SERPINB9: variants seen among roughly 807,000 people sequenced by gnomAD.
SERPINB9 encodes the protein serpin B9.
Under a neutral mutation model 27.2 loss-of-function variants are expected in SERPINB9, and 20 were observed. The observed-to-expected ratio is 0.74, with a 90% confidence interval of 0.52 to 1.07. The LOEUF is 1.07. SERPINB9 is among the 50% of genes least tolerant of loss of function. SERPINB9 has a pLI of 0.00. For synonymous variants in SERPINB9, 189 were observed against 180.0 expected (o/e 1.05, Z -0.40); for missense variants, 476 against 460.1 (o/e 1.03, Z -0.32).
In SERPINB9 at chr6:2,900,434, G is replaced by C. The variant is rs538971733; in HGVS notation, c.168+10C>G. The stretch of plus-strand genomic sequence containing the variant: ...GCCAGTCCCTGCTCCTGGCGGACGG[G>C]CAAGCTTACCTGGGCCATCTGGGTT... On this transcript the variant is annotated intron_variant, in intron 2 of 6. Transcript: ENST00000380698. 1.2e-6 allele frequency: 2 copies of C among 1,613,394 alleles called. No individual in the cohort carries two copies. The highest frequency in any genetic ancestry group is 2.7e-5 in the African/African-American group (2 of 75,024).
At chr6:2,900,917 G>A (rs373418875) in intron 1 of SERPINB9, among the ~76,000 whole-genome samples, 10 of 45,714 alleles carry the variant, frequency 2.2e-4, no homozygotes, top group African/African-American at 1.5e-3. Context: ...ACACAGAGCT[G>A]GAAGCAGTGA....
intron 1 of SERPINB9, among the ~76,000 whole-genome samples, chr6:2,901,566 C>A (rs1456621466): frequency 1.3e-5 from 2 of 152,104 alleles, no homozygotes; most frequent in East Asian, 3.9e-4. Context: ...CACTGGAGAC[C>A]AAAGTGTGAA....
rs1767896261 is a variant in SERPINB9, at chr6:2,893,494, C to G, written c.484G>C (p.Val162Leu). The change falls in exon 5 of 7, where the codon GTC becomes CTC. Residue 162 changes from valine to leucine, a missense_variant. Val to Leu is a conservative substitution (Grantham distance 32). Transcript: ENST00000380698. ...TTTCCTTTGAAGTAGATGGCATTGA[C>G]AAGAACCAGCCTGGTTTCTGCATCA... ...SIDAETRLVL[V>L]NAIYFKGKWN... 6.2e-7 allele frequency: 1 copy of G among 1,612,996 alleles called. No individual in the cohort carries two copies. The highest frequency in any genetic ancestry group is 1.1e-5 in the South Asian group (1 of 90,936).
rs1482468265 is a variant in SERPINB9, at chr6:2,891,623, A to C, written c.723+210T>G. Among the ~76,000 whole-genome samples, 1 of 152,180 alleles carries C rather than the reference A, an allele frequency of 6.6e-6. No homozygotes were observed. The highest frequency in any genetic ancestry group is 1.5e-5 in the Non-Finnish European group (1 of 68,038). ...GCCCACTCCTTCTAGCGATGAAAAA[A>C]CAGAGGACTGAGATGTGTAGTTTGG... is the stretch of plus-strand genomic sequence containing the variant. On this transcript the variant is annotated intron_variant, in intron 6 of 6. Coordinates refer to ENST00000380698, the MANE Select transcript of SERPINB9 (RefSeq NM_004155.6). This position sits in a 1 kb window ranked among gnomAD's most constrained non-coding sequence, Gnocchi z 4.0.
chr6:2,890,106 TG>T lies in SERPINB9; in HGVS notation c.*56del. 7 of 1,546,708 alleles carry T rather than the reference TG, an allele frequency of 4.5e-6. No individual in the cohort carries two copies. Among genetic ancestry groups the T allele is most frequent in the Non-Finnish European group, 6.1e-6 (7 of 1,139,338 alleles). ...TAGGCCCATCCTCTTGGAGCTGTAG[TG>T]GGGATCTGGGGACACAGGAAGAGGG... On this transcript the variant is annotated 3_prime_UTR_variant, in exon 7 of 7. Coordinates refer to ENST00000380698, the MANE Select transcript of SERPINB9 (RefSeq NM_004155.6). This position sits in a 1 kb window ranked among gnomAD's most constrained non-coding sequence, Gnocchi z 6.2.
rs894383107 is a variant in SERPINB9, at chr6:2,889,584, A to G, written c.*579T>C. 2.0e-5 allele frequency: 3 copies of G among 151,226 alleles called. No homozygotes were observed. The highest frequency in any genetic ancestry group is 2.9e-5 in the Non-Finnish European group (2 of 67,874). 9.4% of individuals were successfully genotyped at this position (151,226 alleles called of 1,614,324 possible). ...GTGGCGGGCGCCTGTAGTCCCAGCT[A>G]CTCGGGAGGCTGAGGCAGGAGAATG... is the stretch of plus-strand genomic sequence containing the variant. On this transcript the variant is annotated 3_prime_UTR_variant, in exon 7 of 7. Transcript: ENST00000380698.
intron 2 of SERPINB9, 80 bp downstream of exon 2, chr6:2,900,364 C>A: frequency 6.5e-7 from 1 of 1,538,672 alleles, no homozygotes; most frequent in South Asian, 1.2e-5. Context: ...TTCTCAGTGG[C>A]TCTGGAGTGT....
At chr6:2,893,203 TTA>T (rs1554097053) in intron 5 of SERPINB9, among the ~76,000 whole-genome samples, 1 of 142,500 alleles carries the variant, frequency 7.0e-6, no homozygotes, top group African/African-American at 2.6e-5. Flanking sequence ...TATATATATA[TTA>T]TATATACGTA....
In SERPINB9 at chr6:2,895,485, T is replaced by C. The variant is rs1236015556; in HGVS notation, c.330A>G (p.Gln110=). ...FLSTFKESCL[Q]FYHAELKELS... ...GCTCCTTCAGCTCAGCATGGTAGAATTGAAGACAGGATTCCTTAAACGTCT... is the reference window on the plus strand; with the variant it reads ...GCTCCTTCAGCTCAGCATGGTAGAACTGAAGACAGGATTCCTTAAACGTCT... Residue 110 remains glutamine, a synonymous_variant, in exon 4 of 7, where the codon CAA becomes CAG. Coordinates refer to ENST00000380698, the MANE Select transcript of SERPINB9 (RefSeq NM_004155.6). 1 of 1,613,568 alleles carries C rather than the reference T, an allele frequency of 6.2e-7. No homozygotes were observed. Among genetic ancestry groups the C allele is most frequent in the Non-Finnish European group, 8.5e-7 (1 of 1,179,734 alleles).
intron 2 of SERPINB9, among the ~76,000 whole-genome samples, chr6:2,898,064 G>GAT (rs1768060540): frequency 1.3e-5 from 2 of 151,252 alleles, no homozygotes; most frequent in African/African-American, 2.4e-5. Context: ...TGACAGAGCA[G>GAT]AGACTCTATC....
Position 2,896,116 on chromosome 6 carries a change from G to A in SERPINB9, c.243C>T (p.Gly81=). ...QSLLTEVNKA[G]TQYLLRTANR... ...TGGCCGTTCTCAGCAGGTACTGTGT[G>A]CCAGCCTTGTTCACTTCAGTGAGAA... The change falls in exon 3 of 7, where the codon GGC becomes GGT. Residue 81 remains glycine (G), a synonymous_variant. Coordinates refer to ENST00000380698, the MANE Select transcript of SERPINB9 (RefSeq NM_004155.6). The A allele has an allele frequency of 6.2e-7, 1 of 1,614,142 alleles. No homozygotes were observed. Among genetic ancestry groups the A allele is most frequent in the Non-Finnish European group, 8.5e-7 (1 of 1,179,994 alleles).
Position 2,900,499 on chromosome 6 carries a change from G to A in SERPINB9, c.113C>T (p.Ala38Val). The A allele has an allele frequency of 1.9e-6, 3 of 1,614,192 alleles. No individual in the cohort carries two copies. The highest frequency in any genetic ancestry group is 2.5e-6 in the Non-Finnish European group (3 of 1,180,034). ...TGCCCCTAGGAGAACCATGGCCAGG[G>A]CAGAGGAGATGCTCACAGGAGAACA... ...VFCSPVSISSALAMVLLGAKG... is the reference protein window; with the variant it reads ...VFCSPVSISSVLAMVLLGAKG... The change falls in exon 2 of 7, where the codon GCC becomes GTC. Residue 38 changes from alanine (A) to valine (V), a missense_variant. Ala to Val is a moderately conservative substitution (Grantham distance 64). Coordinates refer to ENST00000380698, the MANE Select transcript of SERPINB9 (RefSeq NM_004155.6).
intron 2 of SERPINB9, among the ~76,000 whole-genome samples, chr6:2,899,469 G>GCC (rs1768119746): frequency 1.3e-5 from 2 of 152,122 alleles, no homozygotes. Context: ...CTTCGTTATT[G>GCC]ATCTTTTTGC....
In SERPINB9 at chr6:2,891,847, C is replaced by T. The variant is rs767711687; in HGVS notation, c.709G>A (p.Val237Met). ...SLLVLLPDDG[V>M]ELSTVEKSLT... is the part of the protein sequence containing the mutation. ...CCGGGTCTTACCGTGCTGAGCTCCA[C>T]GCCGTCGTCAGGCAGCAGCACCAGC... The change falls in exon 6 of 7, where the codon GTG (valine) becomes ATG (methionine). Residue 237 changes from valine (V) to methionine (M), a missense_variant. Val to Met is a conservative substitution (Grantham distance 21). Coordinates refer to ENST00000380698, the MANE Select transcript of SERPINB9 (RefSeq NM_004155.6). This position sits in a 1 kb window ranked among gnomAD's most constrained non-coding sequence, Gnocchi z 4.0. The T allele has an allele frequency of 5.0e-6, 8 of 1,606,242 alleles. No homozygotes were observed. In the Middle Eastern group the frequency reaches 5.0e-4, roughly 100 times the overall value.
At position 2,888,858 on chromosome 6, in the gene SERPINB9, T is replaced by A. The variant is rs1767680048; in HGVS notation, c.*1305A>T. The A allele has an allele frequency of 2.0e-5, 3 of 151,448 alleles. No individual in the cohort carries two copies. Among genetic ancestry groups the A allele is most frequent in the South Asian group, 4.2e-4 (2 of 4,814 alleles). The allele number at this position is 151,448 out of a possible 1,614,324, so 9.4% of individuals were successfully genotyped here. A position where few individuals can be genotyped will look rare whatever the true frequency, so the allele number is the denominator to read the frequency against. On this transcript the variant is annotated 3_prime_UTR_variant, in exon 7 of 7. Coordinates refer to ENST00000380698, the MANE Select transcript of SERPINB9 (RefSeq NM_004155.6). The stretch of plus-strand genomic sequence containing the variant: ...GTGAAGTTTACCTCAATAAAAAAAT[T>A]CTTAAAAAAAAAAACTCAGTGATAT...
chr6:2,900,885 T>TCTCACACACA (rs61100591), intron 1 of SERPINB9, among the ~76,000 whole-genome samples: 11 of 141,482 alleles, frequency 7.8e-5, no homozygotes, highest in South Asian at 2.3e-4. Context: ...GCTCGCTCTC[T>TCTCACACACA]CACACACACA....
chr6:2,896,007 C>G (rs1767984189), intron 3 of SERPINB9, 46 bp downstream of exon 3: 1 of 1,564,568 alleles, frequency 6.4e-7, no homozygotes, highest in African/African-American at 1.4e-5. Flanking sequence ...TCTATATCAC[C>G]AGGTATGTTG....
intron 2 of SERPINB9, among the ~76,000 whole-genome samples, chr6:2,898,076 C>CA (rs1370260859): frequency 1.3e-5 from 2 of 150,114 alleles, no homozygotes; most frequent in East Asian, 1.9e-4. Context: ...GACTCTATCT[C>CA]AAAAAACAAA....
In SERPINB9 at chr6:2,891,912, T is replaced by A. The variant is rs1354382567; in HGVS notation, c.644A>T (p.Gln215Leu). Residue 215 changes from glutamine (Q) to leucine (L), a missense_variant, in exon 6 of 7, where the codon CAG (glutamine) becomes CTG (leucine). Physicochemically the swap from Gln to Leu is moderately radical, Grantham distance 113 (BLOSUM62 -2). Transcript: ENST00000380698. The surrounding 1 kb of genome is among the most constrained non-coding windows in gnomAD (Gnocchi z 4.0). ...KLAHVGEVRA[Q>L]LLELPYARKE... Reference sequence around the variant, plus strand: ...CCTGGCGTAGGGCAGCTCCAGCAGCTGCGCGCGCACCTCGCCCACGTGGGC... The same window carrying A: ...CCTGGCGTAGGGCAGCTCCAGCAGCAGCGCGCGCACCTCGCCCACGTGGGC... 6.2e-7 allele frequency: 1 copy of A among 1,613,282 alleles called. No individual in the cohort carries two copies. Among genetic ancestry groups the A allele is most frequent in the Admixed American group, 1.7e-5 (1 of 60,006 alleles).
Sources: allele counts gnomAD v4.1 joint callset (sites outside exome capture counted in the v4.1 genomes callset), GRCh38; gene constraint gnomAD v4.1.1; non-coding constraint Gnocchi (gnomAD v3.1); transcripts MANE v1.5; gene names NCBI Gene and HGNC (gene_info 2026-07-23, HGNC 2026-07-21).